SDK1: variants seen among roughly 807,000 people sequenced by gnomAD.
SDK1 encodes sidekick cell adhesion molecule 1, also known as protein sidekick-1.
Under a neutral mutation model 245.5 loss-of-function variants are expected in SDK1, and 157 were observed. That is an observed-to-expected ratio of 0.64 (90% CI 0.56 to 0.73). The LOEUF (loss-of-function observed/expected upper bound fraction) is 0.73. Among genes scored for constraint, SDK1 ranks in the 30% least tolerant of loss-of-function variants. The pLI, the probability that SDK1 is intolerant of heterozygous loss-of-function variation, is 0.00. For missense variants in SDK1, 3,583 were observed against 3,002.3 expected (o/e 1.19, Z -4.52); for synonymous variants, 1,647 against 1,278.5 (o/e 1.29, Z -6.15).
chr7:3,459,528 T>C (rs948053080), intron 1 of SDK1, among the ~76,000 whole-genome samples: 1 of 152,232 alleles, frequency 6.6e-6, no homozygotes. Context: ...TTTTGCCTTA[T>C]AGTTGAAGCA....
At chr7:4,080,039 A>C (rs1217930649) in intron 22 of SDK1, among the ~76,000 whole-genome samples, 4 of 152,212 alleles carry the variant, frequency 2.6e-5, no homozygotes, top group Non-Finnish European at 4.4e-5. Flanking sequence ...TGCAGTAGAC[A>C]AAGCTGGCTG....
intron 5 of SDK1, among the ~76,000 whole-genome samples, chr7:3,858,550 A>G (rs918166066): frequency 9.9e-5 from 15 of 152,100 alleles, no homozygotes; most frequent in African/African-American, 3.1e-4. Context: ...TCAAAAGGGT[A>G]TTTGACCCAC....
At chr7:3,915,030 T>C (rs1038102743) in intron 5 of SDK1, among the ~76,000 whole-genome samples, 7 of 152,194 alleles carry the variant, frequency 4.6e-5, no homozygotes, top group African/African-American at 1.7e-4. Context: ...AAGGCACATT[T>C]CTCCCGGAAA....
At chr7:4,005,186 C>T (rs1431296480) in intron 14 of SDK1, among the ~76,000 whole-genome samples, 2 of 151,366 alleles carry the variant, frequency 1.3e-5, no homozygotes, top group Non-Finnish European at 2.9e-5. Flanking sequence ...GCTGGGAATA[C>T]AGGTGCATGA....
chr7:3,544,989 GC>G (rs1463550315), intron 1 of SDK1, among the ~76,000 whole-genome samples: 1 of 152,118 alleles, frequency 6.6e-6, no homozygotes, highest in Admixed American at 6.5e-5. Context: ...CCTAACTTCT[GC>G]CTGCCTTTCT....
At chr7:3,527,243 A>G (rs1783169242) in intron 1 of SDK1, among the ~76,000 whole-genome samples, 3 of 152,242 alleles carry the variant, frequency 2.0e-5, no homozygotes, top group African/African-American at 7.2e-5. Flanking sequence ...GCTATGGTAA[A>G]TAAGATGCCA....
At chr7:3,641,913 C>G (rs780968935) in intron 3 of SDK1, 45 bp from the exon 4 acceptor site, 81 of 1,567,800 alleles carry the variant, frequency 5.2e-5, no homozygotes, top group Non-Finnish European at 6.8e-5. Flanking sequence ...TTCCCTCCCC[C>G]AAAAATGTTT....
At chr7:3,384,876 T>G (rs1191337618) in intron 1 of SDK1, among the ~76,000 whole-genome samples, 2 of 152,212 alleles carry the variant, frequency 1.3e-5, no homozygotes, top group Non-Finnish European at 2.9e-5. Flanking sequence ...ATATAGCAGA[T>G]AGTGAAATCA....
intron 22 of SDK1, among the ~76,000 whole-genome samples, chr7:4,101,187 C>G (rs1449548188): frequency 1.3e-5 from 2 of 148,314 alleles, no homozygotes; most frequent in African/African-American, 5.0e-5. Flanking sequence ...CTCGCTCTGT[C>G]ACCCAGGCTG....
chr7:3,474,533 T>C (rs906663096), intron 1 of SDK1, among the ~76,000 whole-genome samples: 1 of 152,094 alleles, frequency 6.6e-6, no homozygotes, highest in African/African-American at 2.4e-5. Context: ...TTAACAGTCT[T>C]CTATCACATT....
intron 1 of SDK1, among the ~76,000 whole-genome samples, chr7:3,487,288 C>G (rs1273973039): frequency 6.6e-6 from 1 of 152,160 alleles, no homozygotes; most frequent in African/African-American, 2.4e-5. Context: ...AAACATACAA[C>G]TTTACCCATT....
In SDK1 at chr7:4,220,172, A is replaced by G; in HGVS notation, c.5603A>G (p.Asp1868Gly). Reference protein sequence around the residue: ...GNWQRWLKVRDLTKGVTYFFR... With the variant: ...GNWQRWLKVRGLTKGVTYFFR... ...TGGCAGCGCTGGCTGAAGGTGCGGG[A>G]CCTCACCAAGGGAGTGACCTATTTC... The change falls in exon 39 of 45, where the codon GAC becomes GGC. Residue 1868 changes from aspartate (D) to glycine (G), a missense_variant. By Grantham distance (94) the Asp-to-Gly change is moderately conservative. Coordinates refer to ENST00000404826, the MANE Select transcript of SDK1 (RefSeq NM_152744.4). The G allele has an allele frequency of 1.2e-6, 2 of 1,613,958 alleles. No individual in the cohort carries two copies. The highest frequency in any genetic ancestry group is 1.7e-6 in the Non-Finnish European group (2 of 1,179,980).
At chr7:4,097,677 T>C (rs1282658787) in intron 22 of SDK1, among the ~76,000 whole-genome samples, 1 of 152,156 alleles carries the variant, frequency 6.6e-6, no homozygotes. Context: ...CACTTCAAGA[T>C]CTGGGGCTGG....
intron 4 of SDK1, among the ~76,000 whole-genome samples, chr7:3,712,345 A>G (rs1715120915): frequency 6.6e-6 from 1 of 152,182 alleles, no homozygotes; most frequent in African/African-American, 2.4e-5. Context: ...ATGATCTGTC[A>G]CTGTCTCCCA....
intron 4 of SDK1, among the ~76,000 whole-genome samples, chr7:3,716,714 G>A (rs1785210893): frequency 6.6e-6 from 1 of 150,828 alleles, no homozygotes; most frequent in Non-Finnish European, 1.5e-5. Context: ...AGCTATTACG[G>A]CGCCATTGCA....
At chr7:3,980,011 C>T (rs547202768) in intron 13 of SDK1, among the ~76,000 whole-genome samples, 6 of 152,224 alleles carry the variant, frequency 3.9e-5, no homozygotes, top group Admixed American at 2.0e-4. Context: ...CTGACAGAGC[C>T]CTCGTAAGGA....
At chr7:3,874,608 CCCCTG>C (rs1459137337) in intron 5 of SDK1, among the ~76,000 whole-genome samples, 1 of 152,108 alleles carries the variant, frequency 6.6e-6, no homozygotes, top group African/African-American at 2.4e-5. Context: ...CACCCCCGTT[CCCCTG>C]CCCTATCTGC....
chr7:3,957,466 G>T (rs536026526), intron 7 of SDK1, among the ~76,000 whole-genome samples: 1 of 152,122 alleles, frequency 6.6e-6, no homozygotes, highest in Non-Finnish European at 1.5e-5. Flanking sequence ...GCACGGACTC[G>T]ACAGTTTTCT....
intron 1 of SDK1, among the ~76,000 whole-genome samples, chr7:3,558,612 G>A (rs1295604707): frequency 1.3e-5 from 2 of 152,190 alleles, no homozygotes; most frequent in Non-Finnish European, 2.9e-5. Flanking sequence ...AGCTGGGAGG[G>A]GGCAGAGGGG....
Sources: allele counts gnomAD v4.1 joint callset (sites outside exome capture counted in the v4.1 genomes callset), GRCh38; gene constraint gnomAD v4.1.1; transcripts MANE v1.5; gene names NCBI Gene and HGNC (gene_info 2026-07-23, HGNC 2026-07-21).